The following ADORA2B variants were observed in gnomAD, a reference collection of about 807,000 sequenced individuals.
ADORA2B encodes the protein adenosine A2b receptor, also known as adenosine receptor A2b.
ADORA2B carries 18 observed loss-of-function variants against 20.8 expected under a neutral mutation model. The observed-to-expected ratio is 0.87, with a 90% CI of 0.60 to 1.29. The LOEUF is 1.29. ADORA2B is among the 50% of genes most tolerant of loss of function. ADORA2B has a pLI of 0.00. For synonymous variants in ADORA2B, 179 were observed against 178.3 expected, an observed-to-expected ratio of 1.00 and a Z score of -0.03; for missense variants, 441 against 422.7, an observed-to-expected ratio of 1.04 and a Z score of -0.38.
the ADORA2B span, among the ~76,000 whole-genome samples, chr17:15,871,995 C>G: frequency 1.3e-5 from 2 of 152,122 alleles, no homozygotes; most frequent in Admixed American, 6.5e-5. Context: ...TCGCTGAAGA[C>G]GTGATGCCAG....
At chr17:15,898,999 G>A in the ADORA2B span, among the ~76,000 whole-genome samples, 1 of 152,072 alleles carries the variant, frequency 6.6e-6, no homozygotes, top group African/African-American at 2.4e-5. Flanking sequence ...GGAGGCTGAG[G>A]TGGGCAGATC....
At chr17:15,886,243 G>GTATTTATTTATTTATTTATTTATTTAT in the ADORA2B span, among the ~76,000 whole-genome samples, 5 of 132,864 alleles carry the variant, frequency 3.8e-5, no homozygotes, top group Admixed American at 7.3e-5. Flanking sequence ...GAATCTTGTA[G>GTATTTATTTATTTATTTATTTATTTAT]TGGCTCGCCC....
At chr17:15,922,789 C>T in the ADORA2B span, among the ~76,000 whole-genome samples, 1 of 152,316 alleles carries the variant, frequency 6.6e-6, no homozygotes, top group South Asian at 2.1e-4. Context: ...TTAACTTGTT[C>T]TCCCATGAGC....
chr17:15,962,690 G>A (rs200225854), intron 1 of ADORA2B, among the ~76,000 whole-genome samples: 3 of 151,980 alleles, frequency 2.0e-5, no homozygotes, highest in African/African-American at 4.8e-5. Flanking sequence ...TTGCCACCAC[G>A]CATTTTTAGT....
chr17:15,856,037 C>T, the ADORA2B span, among the ~76,000 whole-genome samples: 4 of 152,112 alleles, frequency 2.6e-5, no homozygotes, highest in East Asian at 1.9e-4. Flanking sequence ...ATACGGTTTC[C>T]CTCTGTGTCC....
chr17:15,864,843 A>G, the ADORA2B span, among the ~76,000 whole-genome samples: 1 of 152,282 alleles, frequency 6.6e-6, no homozygotes, highest in East Asian at 1.9e-4. Flanking sequence ...GTTAAACATT[A>G]TGAGAGCACC....
chr17:15,888,035 A>G, the ADORA2B span, among the ~76,000 whole-genome samples: 4 of 124,456 alleles, frequency 3.2e-5, 1 homozygote, highest in Admixed American at 2.4e-4. Context: ...AATGAGCCAT[A>G]TAAAATAAGG....
At chr17:15,891,651 T>A in the ADORA2B span, among the ~76,000 whole-genome samples, 1 of 151,988 alleles carries the variant, frequency 6.6e-6, no homozygotes, top group Non-Finnish European at 1.5e-5. Context: ...CTGAGACAGC[T>A]GGTTCCTGCA....
At chr17:15,963,293 C>T (rs1970062516) in intron 1 of ADORA2B, among the ~76,000 whole-genome samples, 1 of 152,142 alleles carries the variant, frequency 6.6e-6, no homozygotes, top group South Asian at 2.1e-4. Flanking sequence ...GAGTAAGATA[C>T]TTACAGTCCC....
chr17:15,867,397 G>A, the ADORA2B span, among the ~76,000 whole-genome samples: 5 of 150,762 alleles, frequency 3.3e-5, no homozygotes, highest in East Asian at 5.9e-4. Flanking sequence ...CTGCTCTGCC[G>A]CCCCATCTGG....
the ADORA2B span, among the ~76,000 whole-genome samples, chr17:15,932,964 T>TTG: frequency 6.6e-6 from 1 of 150,500 alleles, no homozygotes; most frequent in Non-Finnish European, 1.5e-5. Flanking sequence ...TTTTTTTTTT[T>TTG]TTTTTTTTTG....
chr17:15,934,219 T>C, the ADORA2B span, among the ~76,000 whole-genome samples: 1 of 152,116 alleles, frequency 6.6e-6, no homozygotes, highest in African/African-American at 2.4e-5. Flanking sequence ...GATCATAGTA[T>C]ATATTTTATT....
chr17:15,855,841 C>A, the ADORA2B span, among the ~76,000 whole-genome samples: 25 of 151,958 alleles, frequency 1.6e-4, 1 homozygote, highest in South Asian at 4.8e-3. Flanking sequence ...AACCTTTGCC[C>A]CCCTCCCCAT....
At chr17:15,855,068 T>G in the ADORA2B span, among the ~76,000 whole-genome samples, 1 of 151,888 alleles carries the variant, frequency 6.6e-6, no homozygotes, top group Non-Finnish European at 1.5e-5. Flanking sequence ...TAGCTGGGAT[T>G]ACAGGTCTGC....
chr17:15,927,831 T>A, the ADORA2B span, among the ~76,000 whole-genome samples: 3 of 151,972 alleles, frequency 2.0e-5, no homozygotes, highest in East Asian at 5.8e-4. Context: ...AAGACTCGGA[T>A]CAAGAGTCAG....
At chr17:15,968,421 G>A (rs1205819477) in intron 1 of ADORA2B, among the ~76,000 whole-genome samples, 1 of 152,068 alleles carries the variant, frequency 6.6e-6, no homozygotes, top group Non-Finnish European at 1.5e-5. Context: ...CCATAACATC[G>A]CAGAGCACAC....
the ADORA2B span, among the ~76,000 whole-genome samples, chr17:15,933,787 T>G: frequency 0.19 from 28,687 of 151,650 alleles, 2,739 homozygotes; most frequent in Non-Finnish European, 0.21. Flanking sequence ...TATATATATA[T>G]ATAGAGAGAG....
At chr17:15,962,541 A>AT (rs1053975627) in intron 1 of ADORA2B, among the ~76,000 whole-genome samples, 1 of 151,446 alleles carries the variant, frequency 6.6e-6, no homozygotes, top group Non-Finnish European at 1.5e-5. Flanking sequence ...TATTTTTTCC[A>AT]TTTTTTTGAG....
At chr17:15,973,187 T>G (rs1443636300) in intron 1 of ADORA2B, among the ~76,000 whole-genome samples, 1 of 152,154 alleles carries the variant, frequency 6.6e-6, no homozygotes, top group African/African-American at 2.4e-5. Context: ...GCCAGAAAGA[T>G]CCTTGCCTGG....
Sources: allele counts gnomAD v4.1 joint callset (sites outside exome capture counted in the v4.1 genomes callset), GRCh38; gene constraint gnomAD v4.1.1; transcripts MANE v1.5; gene names NCBI Gene and HGNC (gene_info 2026-07-23, HGNC 2026-07-21).